LIMCH1: variants seen among roughly 807,000 people sequenced by gnomAD.
LIMCH1 encodes the protein LIM and calponin homology domains-containing protein 1.
LIMCH1 carries 113 observed loss-of-function variants against 176.5 expected under a neutral mutation model. That is an observed-to-expected ratio of 0.64 (90% CI 0.55 to 0.75). The LOEUF is 0.75. Ranked by LOEUF, LIMCH1 falls within the 30% of genes least tolerant of loss-of-function variation. The pLI is 0.00. For synonymous variants in LIMCH1, 619 were observed against 645.9 expected (o/e 0.96, Z 0.63); for missense variants, 1,674 against 1,814.9 (o/e 0.92, Z 1.41).
intron 3 of LIMCH1, among the ~76,000 whole-genome samples, chr4:41,531,865 C>T (rs2077362450): frequency 6.6e-6 from 1 of 152,142 alleles, no homozygotes; most frequent in Non-Finnish European, 1.5e-5. Context: ...GGGTCGTCCT[C>T]CCCTTCTTTA....
At chr4:41,497,596 G>C (rs1397724048) in intron 2 of LIMCH1, among the ~76,000 whole-genome samples, 3 of 152,130 alleles carry the variant, frequency 2.0e-5, no homozygotes, top group Admixed American at 6.5e-5. Flanking sequence ...CTGAGGTCAG[G>C]AGTTCAAGAC....
At chr4:41,581,206 A>G (rs987951195) in intron 1 of LIMCH1, among the ~76,000 whole-genome samples, 2 of 152,112 alleles carry the variant, frequency 1.3e-5, no homozygotes, top group Non-Finnish European at 2.9e-5. Flanking sequence ...TAAAATTTGT[A>G]TGTATTTAAG....
chr4:41,545,473 G>T (rs570379727), intron 1 of LIMCH1, among the ~76,000 whole-genome samples: 155 of 152,174 alleles, frequency 1.0e-3, no homozygotes, highest in Non-Finnish European at 1.6e-3. Flanking sequence ...TGATCATCAG[G>T]AATGGAAAAC....
At chr4:41,382,185 A>T (rs1209652633) in intron 1 of LIMCH1, among the ~76,000 whole-genome samples, 2 of 152,208 alleles carry the variant, frequency 1.3e-5, no homozygotes, top group African/African-American at 4.8e-5. Flanking sequence ...GGTAGCTAAT[A>T]CAGTGATCAA....
At chr4:41,594,673 C>G (rs1240717992) in intron 1 of LIMCH1, among the ~76,000 whole-genome samples, 6 of 152,210 alleles carry the variant, frequency 3.9e-5, no homozygotes, top group African/African-American at 1.4e-4. Context: ...AAGCTGGAAA[C>G]AGACCTGCAG....
chr4:41,552,227 C>A (rs1011825074), intron 1 of LIMCH1, among the ~76,000 whole-genome samples: 4 of 152,130 alleles, frequency 2.6e-5, no homozygotes, highest in Non-Finnish European at 2.9e-5. Context: ...GTGGGAGCTA[C>A]AATTGAAGAT....
chr4:41,460,476 A>ATATATCTATCTATCTATCTATC (rs965621988), intron 1 of LIMCH1, among the ~76,000 whole-genome samples: 1 of 142,666 alleles, frequency 7.0e-6, no homozygotes, highest in Admixed American at 6.9e-5. Flanking sequence ...ATATATATAT[A>ATATATCTATCTATCTATCTATC]TATCTTATAA....
At chr4:41,361,554 G>T (rs761519244) in intron 1 of LIMCH1, among the ~76,000 whole-genome samples, 20 of 152,192 alleles carry the variant, frequency 1.3e-4, no homozygotes, top group Non-Finnish European at 2.4e-4. Context: ...ACGCTGCCCA[G>T]CCTTTGGCAA....
At chr4:41,554,831 A>G (rs1378220676) in intron 1 of LIMCH1, among the ~76,000 whole-genome samples, 2 of 152,130 alleles carry the variant, frequency 1.3e-5, no homozygotes, top group African/African-American at 2.4e-5. Flanking sequence ...CATTCCATAA[A>G]TATTTATCAT....
chr4:41,650,995 CTATTT>C (rs751238492), intron 18 of LIMCH1, among the ~76,000 whole-genome samples: 175 of 150,922 alleles, frequency 1.2e-3, no homozygotes, highest in Middle Eastern at 3.4e-3. Context: ...TCAGATTTCC[CTATTT>C]TATTTTATTT....
intron 1 of LIMCH1, among the ~76,000 whole-genome samples, chr4:41,380,918 G>A (rs1389697184): frequency 6.6e-6 from 1 of 152,204 alleles, no homozygotes; most frequent in African/African-American, 2.4e-5. Flanking sequence ...TACCTGAGCA[G>A]ATTTGACCAC....
At chr4:41,419,433 C>G (rs1024908732) in intron 1 of LIMCH1, among the ~76,000 whole-genome samples, 18 of 152,080 alleles carry the variant, frequency 1.2e-4, no homozygotes, top group African/African-American at 4.3e-4. Context: ...CTCGGCCTCC[C>G]AAAGTGCTGG....
intron 2 of LIMCH1, among the ~76,000 whole-genome samples, chr4:41,513,729 G>T (rs937437262): frequency 6.6e-6 from 1 of 152,096 alleles, no homozygotes; most frequent in Non-Finnish European, 1.5e-5. Context: ...AATGGGCCAG[G>T]CATGGTGCCT....
chr4:41,641,168 A>C (rs1008654780), intron 14 of LIMCH1, among the ~76,000 whole-genome samples: 3 of 152,126 alleles, frequency 2.0e-5, no homozygotes, highest in Non-Finnish European at 4.4e-5. Flanking sequence ...CAACAGCCCA[A>C]GGGCATAGAC....
intron 2 of LIMCH1, among the ~76,000 whole-genome samples, chr4:41,521,755 A>C (rs1274731326): frequency 6.6e-6 from 1 of 152,144 alleles, no homozygotes; most frequent in African/African-American, 2.4e-5. Context: ...TTTATGGTAA[A>C]ACATTGTGAG....
chr4:41,633,219 A>G, intron 12 of LIMCH1, 134 bp downstream of exon 12: 2 of 674,788 alleles, frequency 3.0e-6, no homozygotes, highest in Non-Finnish European at 5.0e-6. Context: ...AGTCACTAAA[A>G]GAGTGTGCTC....
At chr4:41,476,011 G>A (rs1024901652) in intron 1 of LIMCH1, among the ~76,000 whole-genome samples, 4 of 152,020 alleles carry the variant, frequency 2.6e-5, no homozygotes, top group African/African-American at 2.4e-5. Flanking sequence ...TTGCTCTGTC[G>A]CCCAGGCTGG....
chr4:41,376,767 A>C (rs2054830593), intron 1 of LIMCH1, among the ~76,000 whole-genome samples: 1 of 152,166 alleles, frequency 6.6e-6, no homozygotes, highest in Non-Finnish European at 1.5e-5. Flanking sequence ...TCTTCTAAGA[A>C]ATTTCTTACG....
chr4:41,419,591 CTTCCTTCCTTCCGTCCTTCCTTCCTTCCT>C, intron 1 of LIMCH1, among the ~76,000 whole-genome samples: 1 of 88,672 alleles, frequency 1.1e-5, no homozygotes, highest in African/African-American at 7.2e-5. Context: ...TCCTTCCTTC[CTTCCTTCCTTCCGTCCTTCCTTCCTTCCT>C]TCCTTCCTTC....
Sources: allele counts gnomAD v4.1 joint callset (sites outside exome capture counted in the v4.1 genomes callset), GRCh38; gene constraint gnomAD v4.1.1; transcripts MANE v1.5; gene names NCBI Gene and HGNC (gene_info 2026-07-23, HGNC 2026-07-21).